GRID2: variants seen among roughly 807,000 people sequenced by gnomAD.
GRID2 encodes the protein glutamate receptor ionotropic, delta-2.
In GRID2, 33 loss-of-function variants were observed where a neutral mutation model predicts 114.8. That is an observed-to-expected ratio of 0.29 (90% CI 0.22 to 0.38). The LOEUF (loss-of-function observed/expected upper bound fraction) is 0.38, where lower values mean the gene tolerates loss of function less well. Among genes scored for constraint, GRID2 ranks in the 10% least tolerant of loss-of-function variants. The pLI is 1.00. For synonymous variants in GRID2, 505 were observed against 449.9 expected (o/e 1.12, Z -1.55); for missense variants, 1,184 against 1,257.7 (o/e 0.94, Z 0.89).
At chr4:92,402,576 CTAA>C (rs1730837983) in intron 1 of GRID2, among the ~76,000 whole-genome samples, 1 of 152,154 alleles carries the variant, frequency 6.6e-6, no homozygotes, top group Non-Finnish European at 1.5e-5. Context: ...CAAATGAGTA[CTAA>C]TATTTTTAAA....
At chr4:92,560,629 TC>T (rs111708737) in intron 1 of GRID2, among the ~76,000 whole-genome samples, 29,060 of 151,978 alleles carry the variant, frequency 0.19, 3,939 homozygotes, top group African/African-American at 0.39. Context: ...GCCTGGAACA[TC>T]CTCTCATTTC....
At chr4:92,774,689 A>T (rs545078406) in intron 2 of GRID2, among the ~76,000 whole-genome samples, 119 of 141,980 alleles carry the variant, frequency 8.4e-4, no homozygotes, top group Admixed American at 1.3e-3. Flanking sequence ...TCCACCTCCC[A>T]GTCTCAAGTG....
chr4:93,781,405 G>A (rs1239383307), intron 1 of GRID2, among the ~76,000 whole-genome samples: 5 of 149,680 alleles, frequency 3.3e-5, no homozygotes, highest in South Asian at 2.1e-4. Flanking sequence ...CTGCGGTGAG[G>A]CCTACTGGGC....
intron 13 of GRID2, among the ~76,000 whole-genome samples, chr4:93,589,041 T>A (rs74730983): frequency 6.7e-6 from 1 of 148,508 alleles, no homozygotes; most frequent in African/African-American, 2.5e-5. Flanking sequence ...CTTTTTTTTT[T>A]ATTATTTATT....
intron 2 of GRID2, among the ~76,000 whole-genome samples, chr4:93,034,768 A>T (rs939252291): frequency 3.9e-5 from 6 of 152,188 alleles, no homozygotes; most frequent in African/African-American, 1.2e-4. Flanking sequence ...TATACACAGT[A>T]TATTAAACCC....
chr4:92,959,002 T>C (rs1224603995), intron 2 of GRID2, among the ~76,000 whole-genome samples: 1 of 151,692 alleles, frequency 6.6e-6, no homozygotes, highest in African/African-American at 2.4e-5. Flanking sequence ...GTCCATTAGA[T>C]CTGTAGTGAT....
Position 92,487,074 on chromosome 4 carries a change from A to T in GRID2, c.89-103057A>T, listed in dbSNP as rs114096642. On this transcript the variant is annotated intron_variant, in intron 1 of 15. Transcript: ENST00000282020. The stretch of plus-strand genomic sequence containing the variant: ...TTTGTACATTCTCTTTTTTGTTATG[A>T]TCTATCTGGTTACAGGTATACTATT... Among the ~76,000 whole-genome samples, 262 of 151,796 alleles carry T rather than the reference A, an allele frequency of 1.7e-3. 1 individual carries two copies. The highest frequency in any genetic ancestry group is 6.0e-3 in the African/African-American group (247 of 41,458).
chr4:93,796,748 C>T (rs1393504820), intron 1 of GRID2, among the ~76,000 whole-genome samples: 2 of 152,100 alleles, frequency 1.3e-5, no homozygotes, highest in Non-Finnish European at 2.9e-5. Context: ...ATGGGTTTCA[C>T]CATGTTGGCC....
At chr4:93,089,631 T>G (rs1024935823) in intron 3 of GRID2, among the ~76,000 whole-genome samples, 3 of 152,106 alleles carry the variant, frequency 2.0e-5, no homozygotes, top group Non-Finnish European at 4.4e-5. Context: ...GAATACCAAA[T>G]TTGAGAGTGC....
At chr4:93,163,759 T>A (rs1429254295) in intron 4 of GRID2, among the ~76,000 whole-genome samples, 1 of 151,930 alleles carries the variant, frequency 6.6e-6, no homozygotes, top group East Asian at 1.9e-4. Context: ...TAGGAGTGGC[T>A]ACTAGTCTGG....
chr4:93,210,893 T>A (rs1743387686), intron 5 of GRID2, among the ~76,000 whole-genome samples: 2 of 152,088 alleles, frequency 1.3e-5, no homozygotes, highest in African/African-American at 2.4e-5. Flanking sequence ...TTGTTTTTAT[T>A]TCACATCCTA....
intron 2 of GRID2, among the ~76,000 whole-genome samples, chr4:92,647,725 A>G (rs1210148368): frequency 1.3e-5 from 2 of 149,860 alleles, no homozygotes; most frequent in Non-Finnish European, 3.0e-5. Context: ...AGGAAAATAA[A>G]AAGAAATCTT....
chr4:93,271,334 C>T (rs1579498495), intron 8 of GRID2, among the ~76,000 whole-genome samples: 1 of 152,240 alleles, frequency 6.6e-6, no homozygotes, highest in Middle Eastern at 3.4e-3. Flanking sequence ...ATGTCATGGT[C>T]TCCAGAGAAC....
At chr4:92,822,129 G>C (rs1741326527) in intron 2 of GRID2, 1 of 338,006 alleles carries the variant, frequency 3.0e-6, no homozygotes, top group Non-Finnish European at 5.8e-6. Flanking sequence ...AATTTCTATG[G>C]TGGTCTTGCC....
At chr4:92,709,597 T>A (rs888173397) in intron 2 of GRID2, among the ~76,000 whole-genome samples, 17 of 141,696 alleles carry the variant, frequency 1.2e-4, no homozygotes, top group African/African-American at 4.1e-4. Context: ...AAAATATATA[T>A]ATATATATAT....
chr4:92,888,284 T>A (rs372525391), intron 2 of GRID2, among the ~76,000 whole-genome samples: 1 of 152,152 alleles, frequency 6.6e-6, no homozygotes, highest in African/African-American at 2.4e-5. Flanking sequence ...TAGGGTAGAA[T>A]AAAGGGCTCA....
intron 2 of GRID2, among the ~76,000 whole-genome samples, chr4:92,728,875 T>TGTTA (rs3077561): frequency 0.28 from 42,273 of 151,790 alleles, 6,232 homozygotes; most frequent in East Asian, 0.53. Flanking sequence ...TTAGCTCTAC[T>TGTTA]GTTGCTAAAC....
chr4:92,774,047 T>C (rs546461863), intron 2 of GRID2, among the ~76,000 whole-genome samples: 8 of 152,134 alleles, frequency 5.3e-5, no homozygotes, highest in Non-Finnish European at 1.0e-4. Flanking sequence ...GTTATAAATA[T>C]AACTAAATAA....
At chr4:92,455,982 T>G (rs1721193723) in intron 1 of GRID2, among the ~76,000 whole-genome samples, 1 of 152,222 alleles carries the variant, frequency 6.6e-6, no homozygotes, top group East Asian at 1.9e-4. Flanking sequence ...TGTAGGTTGC[T>G]TATTTCATAT....
Sources: gnomAD v4.1 joint callset for allele counts (sites outside exome capture counted in the v4.1 genomes callset) on GRCh38, gnomAD v4.1.1 for gene constraint, MANE v1.5 for transcripts, NCBI Gene and HGNC (gene_info 2026-07-23, HGNC 2026-07-21) for gene names.